Variants in PAN3 observed in about 807,000 individuals in gnomAD.
The protein encoded by PAN3 is PAN2-PAN3 deadenylation complex subunit PAN3.
Under a neutral mutation model 96.2 loss-of-function variants are expected in PAN3, and 19 were observed. The observed-to-expected ratio is 0.20, with a 90% CI of 0.14 to 0.29. PAN3 has a LOEUF of 0.29. Among genes scored for constraint, PAN3 ranks in the 10% least tolerant of loss-of-function variants. PAN3 has a pLI of 1.00. For missense variants in PAN3, 882 were observed against 1,108.1 expected, an observed-to-expected ratio of 0.80 and a Z score of 2.90; for synonymous variants, 433 against 406.6, an observed-to-expected ratio of 1.06 and a Z score of -0.78.
At chr13:28,277,941 G>A (rs981522949) in intron 15 of PAN3, among the ~76,000 whole-genome samples, 2 of 152,226 alleles carry the variant, frequency 1.3e-5, no homozygotes, top group African/African-American at 4.8e-5. Flanking sequence ...GAATCCTTGA[G>A]TATCGATTTG....
At chr13:28,146,088 C>G (rs143618286) in intron 1 of PAN3, among the ~76,000 whole-genome samples, 2 of 151,854 alleles carry the variant, frequency 1.3e-5, no homozygotes, top group Non-Finnish European at 2.9e-5. Flanking sequence ...GAAAGGTACA[C>G]TTTTTTGGTA....
In PAN3 at chr13:28,280,555, A is replaced by ATTTTTTTTTTTTTTTTTTTTTTTTTT. The variant is rs35542876; in HGVS notation, c.2319+38_2319+39insTTTTTTTTTTTTTTTTTTTTTTTTTT. The ATTTTTTTTTTTTTTTTTTTTTTTTTT allele has an allele frequency of 1.0e-6, 1 of 972,714 alleles. No individual in the cohort carries two copies. The highest frequency in any genetic ancestry group is 1.3e-6 in the Non-Finnish European group (1 of 751,552). 60.3% of individuals were successfully genotyped at this position (972,714 alleles called of 1,614,324 possible). A position where few individuals can be genotyped will look rare whatever the true frequency, so the allele number is the denominator to read the frequency against. Reference sequence around the variant, plus strand: ...GACCTTGCAAAGGTAAAGAGTGTAAATTTTTTTTTTTTTTTTTTTTTTTTG... The same window carrying ATTTTTTTTTTTTTTTTTTTTTTTTTT: ...GACCTTGCAAAGGTAAAGAGTGTAAATTTTTTTTTTTTTTTTTTTTTTTTTTTTTTTTTTTTTTTTTTTTTTTTTTG... On this transcript the variant is annotated intron_variant, in intron 16 of 18. Coordinates refer to ENST00000380958, the MANE Select transcript of PAN3 (RefSeq NM_175854.8).
Position 28,277,267 on chromosome 13 carries a change from G to T in PAN3, c.2080G>T (p.Val694Leu). The T allele has an allele frequency of 1.2e-6, 2 of 1,612,826 alleles. No homozygotes were observed. The highest frequency in any genetic ancestry group is 1.7e-6 in the Non-Finnish European group (2 of 1,179,502). Residue 694 changes from valine (V) to leucine (L), a missense_variant, in exon 15 of 19, where the codon GTG (valine) becomes TTG (leucine). Val to Leu is a conservative substitution (Grantham distance 32). Around this residue, in one of 3 missense-constraint regions of PAN3, gnomAD observed 364 missense variants for 513.6 expected, o/e 0.71. Transcript: ENST00000380958. ...QADLISLGKVVLALACNSLAG... is the reference protein window; with the variant it reads ...QADLISLGKVLLALACNSLAG... ...AGATCTGATATCATTAGGAAAAGTT[G>T]TGTTGGCTTTGGCTTGCAACTCTTT...
intron 15 of PAN3, 32 bp from the exon 16 acceptor site, chr13:28,280,380 C>CTTTTAAA (rs1887372391): frequency 6.3e-7 from 1 of 1,580,826 alleles, no homozygotes; most frequent in South Asian, 1.2e-5. Flanking sequence ...GCATGTTGGA[C>CTTTTAAA]ATCCAAGTAA....
At chr13:28,280,183 G>A (rs1887352253) in intron 15 of PAN3, among the ~76,000 whole-genome samples, 1 of 152,190 alleles carries the variant, frequency 6.6e-6, no homozygotes, top group African/African-American at 2.4e-5. Flanking sequence ...CATTTCCATA[G>A]TAGTGAAAAT....
At chr13:28,222,741 C>T (rs535609838) in intron 6 of PAN3, among the ~76,000 whole-genome samples, 118 of 152,144 alleles carry the variant, frequency 7.8e-4, no homozygotes, top group Non-Finnish European at 1.4e-3. Context: ...TATTTACCTA[C>T]GGTAGTGGTG....
At chr13:28,250,910 T>C (rs1488199836) in intron 6 of PAN3, among the ~76,000 whole-genome samples, 1 of 152,220 alleles carries the variant, frequency 6.6e-6, no homozygotes, top group African/African-American at 2.4e-5. Context: ...AGTATTCTTT[T>C]CTTCTTTTCC....
intron 1 of PAN3, among the ~76,000 whole-genome samples, chr13:28,146,580 A>C (rs1278372465): frequency 6.6e-6 from 1 of 152,116 alleles, no homozygotes; most frequent in Non-Finnish European, 1.5e-5. Flanking sequence ...ATGCTAGGTG[A>C]TATGGTCTAT....
At chr13:28,164,970 C>G (rs935047070) in intron 1 of PAN3, among the ~76,000 whole-genome samples, 1 of 152,186 alleles carries the variant, frequency 6.6e-6, no homozygotes. Flanking sequence ...CGCAGTGGCG[C>G]GATCTCAGCT....
At chr13:28,148,593 C>G (rs1281287897) in intron 1 of PAN3, among the ~76,000 whole-genome samples, 1 of 152,132 alleles carries the variant, frequency 6.6e-6, no homozygotes, top group Non-Finnish European at 1.5e-5. Context: ...TCCTTCCCTC[C>G]CTAGTTACCT....
At position 28,177,999 on chromosome 13, in the gene PAN3, C is replaced by T. The variant is rs1875274879; in HGVS notation, c.690+64C>T. 2.8e-6 allele frequency: 4 copies of T among 1,425,656 alleles called. No homozygotes were observed. In the Admixed American group the frequency reaches 5.3e-5, roughly 19 times the overall value. 88.3% of individuals were successfully genotyped at this position (1,425,656 alleles called of 1,614,324 possible). ...TTAGAAGTGATGTTGGCATTGTTAC[C>T]TATGTAGTGTCAATGTTTTTGTAAG... On this transcript the variant is annotated intron_variant, in intron 4 of 18. Coordinates refer to ENST00000380958, the MANE Select transcript of PAN3 (RefSeq NM_175854.8).
At chr13:28,292,232 A>G (rs1869843554) in intron 18 of PAN3, 150 bp from the exon 19 acceptor site, 2 of 720,638 alleles carry the variant, frequency 2.8e-6, no homozygotes. Context: ...AATTATGTGC[A>G]TACTGATGAA....
chr13:28,168,370 A>G (rs1873856291), intron 1 of PAN3, among the ~76,000 whole-genome samples: 1 of 152,178 alleles, frequency 6.6e-6, no homozygotes. Flanking sequence ...TTGGTTCCAG[A>G]TTAGGGAAGT....
intron 6 of PAN3, among the ~76,000 whole-genome samples, chr13:28,228,860 CCAAA>C (rs1238688134): frequency 1.3e-5 from 2 of 152,128 alleles, no homozygotes; most frequent in African/African-American, 2.4e-5. Context: ...GTTAAACTGC[CCAAA>C]CAAATAGATC....
chr13:28,174,508 A>G, intron 2 of PAN3, 115 bp downstream of exon 2: 1 of 1,203,180 alleles, frequency 8.3e-7, no homozygotes, highest in South Asian at 1.5e-5. Context: ...TTTAGGAGGC[A>G]GTGAGATGGG....
intron 1 of PAN3, among the ~76,000 whole-genome samples, chr13:28,153,071 C>T (rs544682864): frequency 1.4e-4 from 21 of 151,956 alleles, no homozygotes; most frequent in African/African-American, 4.1e-4. Flanking sequence ...GCTGATCTGA[C>T]GTAGGGAAAA....
intron 6 of PAN3, among the ~76,000 whole-genome samples, chr13:28,249,952 G>T (rs947228956): frequency 6.6e-6 from 1 of 152,188 alleles, no homozygotes; most frequent in South Asian, 2.1e-4. Context: ...TCACCATGGA[G>T]ATGCTAGTGA....
At chr13:28,204,957 T>C (rs921377732) in intron 5 of PAN3, among the ~76,000 whole-genome samples, 1 of 152,214 alleles carries the variant, frequency 6.6e-6, no homozygotes, top group African/African-American at 2.4e-5. Flanking sequence ...CAGCATCTCT[T>C]TTGATGCTAC....
chr13:28,226,584 G>A (rs889001129), intron 6 of PAN3, among the ~76,000 whole-genome samples: 5 of 152,006 alleles, frequency 3.3e-5, no homozygotes, highest in African/African-American at 1.2e-4. Context: ...AATAGATAAG[G>A]CTTAATTTTT....
Sources: gnomAD v4.1 joint callset for allele counts (sites outside exome capture counted in the v4.1 genomes callset) on GRCh38, gnomAD v4.1.1 for gene constraint, gnomAD v4.1.1 regional missense constraint, MANE v1.5 for transcripts, NCBI Gene and HGNC (gene_info 2026-07-23, HGNC 2026-07-21) for gene names.